UBE3C: variants seen among roughly 807,000 people sequenced by gnomAD.
UBE3C encodes the protein ubiquitin protein ligase E3C.
In UBE3C, 42 loss-of-function variants were observed where a neutral mutation model predicts 129.4. That is an observed-to-expected ratio of 0.32 (90% CI 0.25 to 0.42). The LOEUF is 0.42. Among genes scored for constraint, UBE3C ranks in the 10% least tolerant of loss-of-function variants. UBE3C has a pLI of 1.00. For synonymous variants in UBE3C, 510 were observed against 492.4 expected (o/e 1.04, Z -0.47); for missense variants, 1,049 against 1,319.1 (o/e 0.80, Z 3.17).
intron 16 of UBE3C, among the ~76,000 whole-genome samples, chr7:157,223,580 A>G (rs575089365): frequency 1.3e-5 from 2 of 151,904 alleles, no homozygotes; most frequent in African/African-American, 4.8e-5. Flanking sequence ...GCCAGTAAAC[A>G]CTATAGATTT....
At chr7:157,209,148 C>A (rs1399008395) in intron 13 of UBE3C, among the ~76,000 whole-genome samples, 2 of 152,196 alleles carry the variant, frequency 1.3e-5, no homozygotes, top group African/African-American at 2.4e-5. Flanking sequence ...AGGAAGGGCC[C>A]ATTAATGCTT....
At chr7:157,195,806 C>T (rs1158362798) in intron 10 of UBE3C, among the ~76,000 whole-genome samples, 1 of 152,090 alleles carries the variant, frequency 6.6e-6, no homozygotes. Context: ...CTTTTGAGCA[C>T]CTATGAGTGA....
At chr7:157,153,356 G>GAAA (rs1049359367) in intron 1 of UBE3C, among the ~76,000 whole-genome samples, 1 of 150,674 alleles carries the variant, frequency 6.6e-6, no homozygotes, top group African/African-American at 2.4e-5. Flanking sequence ...GTGTAACCTT[G>GAAA]AAAAAAAAAT....
chr7:157,236,355 G>T (rs1796152172), intron 18 of UBE3C, among the ~76,000 whole-genome samples: 1 of 151,764 alleles, frequency 6.6e-6, no homozygotes, highest in Admixed American at 6.6e-5. Context: ...TTTTTTTCTT[G>T]CTTTAGGATA....
chr7:157,160,813 T>C (rs911306797), intron 1 of UBE3C, among the ~76,000 whole-genome samples: 4 of 152,214 alleles, frequency 2.6e-5, no homozygotes, highest in Non-Finnish European at 4.4e-5. Context: ...TCCTTCTACA[T>C]TTTTAAACTG....
intron 22 of UBE3C, among the ~76,000 whole-genome samples, chr7:157,264,857 C>T (rs1797034713): frequency 6.6e-6 from 1 of 152,162 alleles, no homozygotes; most frequent in South Asian, 2.1e-4. Context: ...CAGTCATGAG[C>T]CACTGCTCCT....
intron 18 of UBE3C, among the ~76,000 whole-genome samples, chr7:157,244,915 G>T (rs945240044): frequency 6.6e-6 from 1 of 152,120 alleles, no homozygotes; most frequent in African/African-American, 2.4e-5. Flanking sequence ...TGGTACAGCT[G>T]GCTGAGAAGG....
intron 1 of UBE3C, among the ~76,000 whole-genome samples, chr7:157,148,616 G>A (rs1005775667): frequency 6.6e-6 from 1 of 152,046 alleles, no homozygotes; most frequent in Non-Finnish European, 1.5e-5. Flanking sequence ...AAAAGCAGAG[G>A]TGTAATGGAT....
In UBE3C at chr7:157,205,446, A is replaced by C. The variant is rs114337887; in HGVS notation, c.1419-1952A>C. Among the ~76,000 whole-genome samples the C allele has an allele frequency of 1.9e-3, 296 of 152,270 alleles. 1 individual carries two copies. Among genetic ancestry groups the C allele is most frequent in the African/African-American group, 6.6e-3 (273 of 41,546 alleles). Reference sequence around the variant, plus strand: ...TTGTCAGGGATAACAGTACAAGTACAAGGATTCTTGTCGGGGATAACAGTG... The same window carrying C: ...TTGTCAGGGATAACAGTACAAGTACCAGGATTCTTGTCGGGGATAACAGTG... On this transcript the variant is annotated intron_variant, in intron 11 of 22. Coordinates refer to ENST00000348165, the MANE Select transcript of UBE3C (RefSeq NM_014671.3).
chr7:157,195,496 G>A (rs1586679600), intron 10 of UBE3C, among the ~76,000 whole-genome samples: 1 of 152,174 alleles, frequency 6.6e-6, no homozygotes, highest in African/African-American at 2.4e-5. Context: ...AAAGGAGGGT[G>A]CCTGGCTGGT....
intron 17 of UBE3C, among the ~76,000 whole-genome samples, chr7:157,227,844 A>G (rs1313879054): frequency 6.6e-6 from 1 of 152,208 alleles, no homozygotes; most frequent in East Asian, 1.9e-4. Flanking sequence ...GGGGCATGCT[A>G]ATAATTGCAT....
chr7:157,216,782 GCTC>G (rs1795586938), intron 13 of UBE3C, 82 bp from the exon 14 acceptor site: 1 of 1,076,136 alleles, frequency 9.3e-7, no homozygotes, highest in Admixed American at 2.1e-5. Context: ...ACCGCTGTGT[GCTC>G]CTCCTCGAGT....
chr7:157,232,542 G>T (rs1796048544), intron 18 of UBE3C, among the ~76,000 whole-genome samples: 1 of 152,106 alleles, frequency 6.6e-6, no homozygotes, highest in African/African-American at 2.4e-5. Flanking sequence ...AAGAGATGGG[G>T]GTTTCCACCA....
At position 157,187,492 on chromosome 7, in the gene UBE3C, T is replaced by C. The variant is rs191572796; in HGVS notation, c.1331+471T>C. Among the ~76,000 whole-genome samples the C allele has an allele frequency of 2.2e-3, 330 of 151,896 alleles. 5 individuals carry two copies. The highest frequency in any genetic ancestry group is 0.02 in the Admixed American group (306 of 15,274). On this transcript the variant is annotated intron_variant, in intron 10 of 22. Transcript: ENST00000348165. Reference sequence around the variant, plus strand: ...CACTTCCTGGGCTCAAGCGATCCTTTCACCCCAACCTTCTGAGTAGCTGGG... The same window carrying C: ...CACTTCCTGGGCTCAAGCGATCCTTCCACCCCAACCTTCTGAGTAGCTGGG...
At chr7:157,191,251 G>A (rs903186505) in intron 10 of UBE3C, among the ~76,000 whole-genome samples, 1 of 152,148 alleles carries the variant, frequency 6.6e-6, no homozygotes, top group African/African-American at 2.4e-5. Context: ...GTGCACGCGC[G>A]TGTGTATGTG....
chr7:157,207,371 T>C lies in UBE3C; in HGVS notation c.1419-27T>C, dbSNP rs748495412. 4.8e-5 allele frequency: 76 copies of C among 1,589,942 alleles called. 1 individual carries two copies. The South Asian group carries it at 7.9e-4, about 16-fold the overall frequency. On this transcript the variant is annotated intron_variant, in intron 11 of 22. Transcript: ENST00000348165. The stretch of plus-strand genomic sequence containing the variant: ...CTAAGACTAATTTTAAAGTGACTGG[T>C]TTTTTTCTTCTTTTCTTTAATTCAA...
intron 15 of UBE3C, 34 bp downstream of exon 15, chr7:157,220,810 T>C (rs1488580145): frequency 3.7e-6 from 6 of 1,607,296 alleles, no homozygotes; most frequent in Non-Finnish European, 4.3e-6. Context: ...TACTGAGGTA[T>C]GAATTACATG....
chr7:157,238,314 G>A (rs1185588235), intron 18 of UBE3C, among the ~76,000 whole-genome samples: 1 of 152,082 alleles, frequency 6.6e-6, no homozygotes, highest in African/African-American at 2.4e-5. Flanking sequence ...CTGTGTTGTC[G>A]TGGGCCTCCT....
intron 1 of UBE3C, among the ~76,000 whole-genome samples, chr7:157,163,202 AG>A (rs1265412049): frequency 6.6e-5 from 10 of 151,770 alleles, no homozygotes; most frequent in Non-Finnish European, 1.2e-4. Flanking sequence ...TGGCTAACAC[AG>A]TGAAACCCCG....
Sources: allele counts gnomAD v4.1 joint callset (sites outside exome capture counted in the v4.1 genomes callset), GRCh38; gene constraint gnomAD v4.1.1; transcripts MANE v1.5; gene names NCBI Gene and HGNC (gene_info 2026-07-23, HGNC 2026-07-21).